JAK1: variants seen among roughly 807,000 people sequenced by gnomAD.
JAK1 encodes Janus kinase 1.
In JAK1, 16 loss-of-function variants were observed where a neutral mutation model predicts 136.6. The observed-to-expected ratio is 0.12, with a 90% confidence interval of 0.08 to 0.18. JAK1 has a LOEUF of 0.18. JAK1 is among the 10% of genes least tolerant of loss of function. The pLI, the probability that JAK1 is intolerant of heterozygous loss-of-function variation, is 1.00. For synonymous variants in JAK1, 492 were observed against 519.5 expected (o/e 0.95, Z 0.72); for missense variants, 859 against 1,450.1 (o/e 0.59, Z 6.62).
In JAK1 at chr1:64,833,697, A is replaced by G. The variant is rs573326905; in HGVS notation, c.*865T>C. The G allele has an allele frequency of 6.4e-5, 15 of 233,078 alleles. No homozygotes were observed. Among genetic ancestry groups the G allele is most frequent in the East Asian group, 6.0e-4 (10 of 16,578 alleles). The allele number at this position is 233,078 out of a possible 1,614,324, so 14.4% of individuals were successfully genotyped here. A position where few individuals can be genotyped will look rare whatever the true frequency, so the allele number is the denominator to read the frequency against. ...CGTATGTGGTATTCAGACTGGTTGC[A>G]TACAGCATTCAAAACCAGTGCTGGA... On this transcript the variant is annotated 3_prime_UTR_variant, in exon 25 of 25. Coordinates refer to ENST00000342505, the MANE Select transcript of JAK1 (RefSeq NM_002227.4).
chr1:64,892,315 C>A (rs36121854), intron 1 of JAK1, among the ~76,000 whole-genome samples: 17,126 of 151,992 alleles, frequency 0.11, 1,171 homozygotes, highest in East Asian at 0.28. Flanking sequence ...GAATCTCGCT[C>A]TGTCACCCAC....
At chr1:64,873,183 C>A (rs1657178594) in intron 5 of JAK1, among the ~76,000 whole-genome samples, 187 bp downstream of exon 5, 1 of 152,208 alleles carries the variant, frequency 6.6e-6, no homozygotes, top group South Asian at 2.1e-4. Flanking sequence ...TAACCAGCCT[C>A]TTGGAAAGCT....
intron 2 of JAK1, among the ~76,000 whole-genome samples, chr1:65,039,460 C>T (rs1425748936): frequency 6.6e-6 from 1 of 152,096 alleles, no homozygotes; most frequent in Non-Finnish European, 1.5e-5. Flanking sequence ...AGTTAAGAAA[C>T]AGATTTATCT....
intron 1 of JAK1, among the ~76,000 whole-genome samples, chr1:65,062,282 C>T (rs1647825624): frequency 6.6e-6 from 1 of 152,184 alleles, no homozygotes; most frequent in Admixed American, 6.5e-5. Context: ...CATCACATTT[C>T]ACCACTCTCA....
intron 2 of JAK1, among the ~76,000 whole-genome samples, chr1:65,043,702 T>G (rs1349031823): frequency 1.4e-5 from 1 of 71,804 alleles, no homozygotes; most frequent in Non-Finnish European, 2.4e-5. Flanking sequence ...CCTGGCTAAT[T>G]TTTTTTTTTT....
At chr1:64,968,678 T>G (rs1646421556), upstream of JAK1, among the ~76,000 whole-genome samples, 1 of 152,134 alleles carries the variant, frequency 6.6e-6, no homozygotes, top group African/African-American at 2.4e-5. Flanking sequence ...ACGCCTGTAA[T>G]CCCAGCACTT....
chr1:64,851,076 C>T (rs1427941412), intron 11 of JAK1, among the ~76,000 whole-genome samples, 166 bp from the exon 12 acceptor site: 2 of 152,130 alleles, frequency 1.3e-5, no homozygotes, highest in African/African-American at 2.4e-5. Context: ...CCTCCAGGAG[C>T]TCAGAGGGTA....
intron 17 of JAK1, among the ~76,000 whole-genome samples, chr1:64,842,447 G>A (rs960750323): frequency 2.6e-5 from 4 of 151,598 alleles, no homozygotes; most frequent in East Asian, 1.9e-4. Flanking sequence ...TCTGGTCCCC[G>A]TGGGCCCTGG....
At chr1:64,983,485 T>G (rs1646569349) in intron 2 of JAK1, among the ~76,000 whole-genome samples, 1 of 152,174 alleles carries the variant, frequency 6.6e-6, no homozygotes, top group Non-Finnish European at 1.5e-5. Flanking sequence ...CCTTTAAAGA[T>G]ATGGGTCAAA....
At chr1:65,044,957 T>C (rs1286163748) in intron 1 of JAK1, among the ~76,000 whole-genome samples, 1 of 152,232 alleles carries the variant, frequency 6.6e-6, no homozygotes, top group Non-Finnish European at 1.5e-5. Context: ...GTAAAAATAT[T>C]GTGTGATTAT....
intron 1 of JAK1, among the ~76,000 whole-genome samples, chr1:64,943,955 G>C (rs1052875610): frequency 2.6e-5 from 4 of 151,836 alleles, no homozygotes; most frequent in Admixed American, 6.6e-5. Context: ...AGGCGCAGTG[G>C]CTCACGCCTG....
At chr1:65,032,473 C>T (rs779233593) in intron 2 of JAK1, among the ~76,000 whole-genome samples, 10 of 151,916 alleles carry the variant, frequency 6.6e-5, no homozygotes, top group Admixed American at 5.9e-4. Flanking sequence ...TTTCTAATGC[C>T]AATTTCGTAA....
At chr1:65,049,874 T>C (rs1302189107) in intron 1 of JAK1, among the ~76,000 whole-genome samples, 2 of 152,128 alleles carry the variant, frequency 1.3e-5, no homozygotes, top group African/African-American at 4.8e-5. Context: ...TTTCAGACAA[T>C]CATGATGTCA....
chr1:65,058,607 C>T, intron 1 of JAK1: 1 of 466,112 alleles, frequency 2.1e-6, no homozygotes, highest in Non-Finnish European at 4.4e-6. Flanking sequence ...AGATCACCTT[C>T]TGGTTGGAGA....
chr1:65,058,111 C>T (rs898957074), intron 1 of JAK1, among the ~76,000 whole-genome samples: 12 of 151,988 alleles, frequency 7.9e-5, no homozygotes, highest in African/African-American at 2.9e-4. Flanking sequence ...AATTAGGTTA[C>T]CTTTCACATT....
At chr1:65,029,734 C>G (rs1647006927) in intron 2 of JAK1, among the ~76,000 whole-genome samples, 1 of 152,114 alleles carries the variant, frequency 6.6e-6, no homozygotes, top group Admixed American at 6.5e-5. Context: ...CACATGTTCT[C>G]ACTTACAAGT....
chr1:64,966,236 A>C (rs905175598), intron 1 of JAK1, 97 bp downstream of exon 1: 1 of 151,828 alleles, frequency 6.6e-6, no homozygotes, highest in Admixed American at 6.6e-5. Flanking sequence ...GGACCGACCA[A>C]GAGCGGTGGC....
At position 64,903,841 on chromosome 1, in the gene JAK1, A is replaced by G. The variant is rs545965919; in HGVS notation, c.-77-17500T>C. On this transcript the variant is annotated intron_variant, in intron 1 of 24. Transcript: ENST00000342505. ...TAATCCACACATCTGACACAGGGTC[A>G]GAAATAATGTCCAATCTATCTTTGT... 2.0e-5 allele frequency among the ~76,000 whole-genome samples: 3 copies of G among 152,364 alleles called. No homozygotes were observed. In the East Asian group the frequency reaches 5.8e-4, roughly 29 times the overall value.
intron 2 of JAK1, among the ~76,000 whole-genome samples, chr1:65,005,981 C>A (rs1646800824): frequency 6.6e-6 from 1 of 152,090 alleles, no homozygotes; most frequent in Non-Finnish European, 1.5e-5. Flanking sequence ...GCTCAGACAC[C>A]AGTCACACCC....
Sources: gnomAD v4.1 joint callset for allele counts (sites outside exome capture counted in the v4.1 genomes callset) on GRCh38, gnomAD v4.1.1 for gene constraint, MANE v1.5 for transcripts, NCBI Gene and HGNC (gene_info 2026-07-23, HGNC 2026-07-21) for gene names.